Variants in SLC6A2 observed in about 807,000 individuals in gnomAD.
SLC6A2 encodes the protein solute carrier family 6 member 2.
In SLC6A2, 26 loss-of-function variants were observed where a neutral mutation model predicts 71.7. The observed-to-expected ratio is 0.36, with a 90% CI of 0.27 to 0.50. SLC6A2 has a LOEUF of 0.50. Ranked by LOEUF, SLC6A2 falls within the 20% of genes least tolerant of loss-of-function variation. The pLI is 0.96. For missense variants in SLC6A2, 581 were observed against 803.9 expected, an observed-to-expected ratio of 0.72 and a Z score of 3.35; for synonymous variants, 363 against 337.9, an observed-to-expected ratio of 1.07 and a Z score of -0.82.
chr16:55,695,196 C>T, intron 7 of SLC6A2, 82 bp from the exon 8 acceptor site: 1 of 1,553,416 alleles, frequency 6.4e-7, no homozygotes, highest in Non-Finnish European at 8.9e-7. Context: ...GGCCAGGCTG[C>T]AGGTTCTATA....
At position 55,700,260 on chromosome 16, in the gene SLC6A2, T is replaced by C. The variant is rs1965929817; in HGVS notation, c.1712T>C (p.Ile571Thr). ...IALSSMVLVPIYVIYKFLSTQ... is the reference protein window; with the variant it reads ...IALSSMVLVPTYVIYKFLSTQ... ...CTGTCCTCCATGGTCCTGGTGCCCA[T>C]CTACGTCATCTATAAGTTCCTCAGC... is the stretch of plus-strand genomic sequence containing the variant. Residue 571 changes from isoleucine (I) to threonine (T), a missense_variant, in exon 13 of 15, where the codon ATC becomes ACC. Transcript: ENST00000568943. 1.2e-6 allele frequency: 2 copies of C among 1,614,040 alleles called. No homozygotes were observed. Among genetic ancestry groups the C allele is most frequent in the Middle Eastern group, 3.3e-4 (2 of 6,062 alleles).
rs113596859 is a variant in SLC6A2, at chr16:55,677,272, G to T, written c.644+5097G>T. Among the ~76,000 whole-genome samples, 1,241 of 152,096 alleles carry T rather than the reference G, an allele frequency of 8.2e-3. 11 individuals are homozygous for T. Among genetic ancestry groups the T allele is most frequent in the Non-Finnish European group, 0.013 (903 of 68,032 alleles). ...TGAACATGGTTTGGAGGGGAAGGTG[G>T]TAAAGATAGTGGAGCAGAGTGCTGC... is the stretch of plus-strand genomic sequence containing the variant. On this transcript the variant is annotated intron_variant, in intron 4 of 14. Transcript: ENST00000568943.
intron 4 of SLC6A2, among the ~76,000 whole-genome samples, chr16:55,681,271 CAG>C (rs1965262569): frequency 6.6e-6 from 1 of 152,220 alleles, no homozygotes; most frequent in Admixed American, 6.5e-5. Context: ...GAGAAAGACT[CAG>C]TGATGGGAAA....
At chr16:55,686,371 T>G (rs1484206959) in intron 5 of SLC6A2, among the ~76,000 whole-genome samples, 1 of 152,152 alleles carries the variant, frequency 6.6e-6, no homozygotes, top group Admixed American at 6.5e-5. Flanking sequence ...TCCAAGAACA[T>G]GTCCCAAGCA....
chr16:55,675,288 A>C (rs1258668476), intron 4 of SLC6A2, among the ~76,000 whole-genome samples: 1 of 152,206 alleles, frequency 6.6e-6, no homozygotes, highest in Non-Finnish European at 1.5e-5. Context: ...GGTAAGCAGA[A>C]AGTACCTGAT....
chr16:55,668,505 G>A (rs1223425815), intron 2 of SLC6A2, among the ~76,000 whole-genome samples: 1 of 152,140 alleles, frequency 6.6e-6, no homozygotes, highest in African/African-American at 2.4e-5. Flanking sequence ...TTAGCTAAAG[G>A]CCAGTGGTAA....
chr16:55,697,069 A>G (rs1965822084), intron 9 of SLC6A2, among the ~76,000 whole-genome samples: 1 of 152,196 alleles, frequency 6.6e-6, no homozygotes, highest in East Asian at 1.9e-4. Context: ...CAAATGTAAG[A>G]TTGGATTTAC....
intron 4 of SLC6A2, among the ~76,000 whole-genome samples, chr16:55,680,614 C>T (rs527914861): frequency 6.6e-6 from 1 of 152,242 alleles, no homozygotes; most frequent in East Asian, 1.9e-4. Context: ...CCTGCCTTTC[C>T]GAGTTCACTG....
chr16:55,692,187 G>A (rs576310071), intron 6 of SLC6A2, 135 bp downstream of exon 6: 3 of 1,041,008 alleles, frequency 2.9e-6, no homozygotes, highest in Admixed American at 3.6e-5. Flanking sequence ...TTCCCTGTCT[G>A]AGGTGCAGCT....
intron 4 of SLC6A2, among the ~76,000 whole-genome samples, chr16:55,672,885 C>T (rs1252154468): frequency 6.6e-6 from 1 of 152,188 alleles, no homozygotes; most frequent in African/African-American, 2.4e-5. Context: ...TGTTGAAATA[C>T]CGTTATACAT....
intron 2 of SLC6A2, among the ~76,000 whole-genome samples, chr16:55,659,129 A>C (rs754998051): frequency 3.3e-5 from 5 of 152,128 alleles, no homozygotes; most frequent in Non-Finnish European, 5.9e-5. Context: ...GTGAGGCACA[A>C]TGCTAGGCTC....
chr16:55,659,026 C>G (rs1308279656), intron 2 of SLC6A2, among the ~76,000 whole-genome samples: 1 of 152,106 alleles, frequency 6.6e-6, no homozygotes, highest in Non-Finnish European at 1.5e-5. Flanking sequence ...ACCCGCCATC[C>G]CGCCTGTCCT....
chr16:55,696,219 T>C lies in SLC6A2; in HGVS notation c.1148-6T>C. The C allele has an allele frequency of 6.4e-7, 1 of 1,565,352 alleles. No homozygotes were observed. ...CCATTGATGAGGTCCTTGATGTTTC[T>C]TACAGGAGCTGGCCTAGTGTTCATC... is the stretch of plus-strand genomic sequence containing the variant. On this transcript the variant is annotated splice_polypyrimidine_tract_variant and splice_region_variant and intron_variant, in intron 8 of 14. Transcript: ENST00000568943.
At chr16:55,680,094 G>T (rs1965222948) in intron 4 of SLC6A2, among the ~76,000 whole-genome samples, 1 of 152,184 alleles carries the variant, frequency 6.6e-6, no homozygotes, top group Non-Finnish European at 1.5e-5. Context: ...GTTGCCTCCA[G>T]TGAGAACCAC....
intron 2 of SLC6A2, among the ~76,000 whole-genome samples, chr16:55,658,670 C>T (rs1334895925): frequency 1.3e-5 from 2 of 152,164 alleles, no homozygotes; most frequent in African/African-American, 2.4e-5. Context: ...CCTGACACCT[C>T]CTGAGATGGG....
chr16:55,680,030 C>T, intron 4 of SLC6A2, among the ~76,000 whole-genome samples: 1 of 152,318 alleles, frequency 6.6e-6, no homozygotes, highest in East Asian at 1.9e-4. Context: ...CCAGATGTAA[C>T]AACCAAAAAT....
rs748674050 is a variant in SLC6A2, at chr16:55,701,870, C to T, written c.1766C>T (p.Ala589Val). 5 of 1,613,638 alleles carry T rather than the reference C, an allele frequency of 3.1e-6. No homozygotes were observed. The South Asian group carries it at 5.5e-5, about 18-fold the overall frequency. The change falls in exon 14 of 15, where the codon GCC (alanine) becomes GTC (valine). Residue 589 changes from alanine to valine, a missense_variant. Transcript: ENST00000568943. ...STQGSLWERL[A>V]YGITPENEHH... ...CCCTTCTCTTCCTTTCAGAGACTGGCCTATGGCATCACGCCAGAGAACGAG... is the reference window on the plus strand; with the variant it reads ...CCCTTCTCTTCCTTTCAGAGACTGGTCTATGGCATCACGCCAGAGAACGAG...
chr16:55,698,469 G>T lies in SLC6A2; in HGVS notation c.1390G>T (p.Gly464Cys). The T allele has an allele frequency of 6.2e-7, 1 of 1,612,310 alleles. No homozygotes were observed. Among genetic ancestry groups the T allele is most frequent in the African/African-American group, 1.3e-5 (1 of 74,960 alleles). The change falls in exon 11 of 15, where the codon GGT (glycine) becomes TGT (cysteine). Residue 464 changes from glycine to cysteine, a missense_variant and splice_region_variant. Physicochemically the swap from Gly to Cys is radical, Grantham distance 159. Transcript: ENST00000568943. ...TTGGCTTCTTCTCTCCCTGTGCCAG[G>T]GTGGAATTTACGTCTTGACCCTCCT... is the stretch of plus-strand genomic sequence containing the variant. ...FLLALFCITK[G>C]GIYVLTLLDT...
chr16:55,704,336 A>G lies in SLC6A2; in HGVS notation c.*1990A>G, dbSNP rs1437104105. On this transcript the variant is annotated 3_prime_UTR_variant, in exon 15 of 15. Coordinates refer to ENST00000568943, the MANE Select transcript of SLC6A2 (RefSeq NM_001172501.3). The stretch of plus-strand genomic sequence containing the variant: ...CTTGCTCAAGGTTTTTTAGCAACTA[A>G]CAGATCGAGTTGGGCCTTCAATTCA... The G allele has an allele frequency of 6.6e-6, 1 of 152,152 alleles. No individual in the cohort carries two copies. Among genetic ancestry groups the G allele is most frequent in the African/African-American group, 2.4e-5 (1 of 41,424 alleles). The allele number at this position is 152,152 out of a possible 1,614,324, so 9.4% of individuals were successfully genotyped here.
Sources: allele counts gnomAD v4.1 joint callset (sites outside exome capture counted in the v4.1 genomes callset), GRCh38; gene constraint gnomAD v4.1.1; transcripts MANE v1.5; gene names NCBI Gene and HGNC (gene_info 2026-07-23, HGNC 2026-07-21).